The following TBL1X variants were observed in gnomAD, a reference collection of about 807,000 sequenced individuals.
TBL1X encodes F-box-like/WD repeat-containing protein TBL1X.
TBL1X carries 10 observed loss-of-function variants against 50.7 expected under a neutral mutation model. That is an observed-to-expected ratio of 0.20 (90% CI 0.12 to 0.33). TBL1X has a LOEUF of 0.33. Among genes scored for constraint, TBL1X ranks in the 10% least tolerant of loss-of-function variants. The probability of loss-of-function intolerance (pLI) is 1.00; values close to 1 mark genes in which losing one functional copy is unlikely to be tolerated. For missense variants in TBL1X, 340 were observed against 504.4 expected (o/e 0.67, Z 3.12); for synonymous variants, 190 against 214.7 (o/e 0.88, Z 1.01).
chrX:9,668,087 TA>T (rs1367372980), intron 5 of TBL1X, among the ~76,000 whole-genome samples: 1 of 112,256 alleles, frequency 8.9e-6, no homozygotes, highest in Non-Finnish European at 1.9e-5. Context: ...ATGTTATTAG[TA>T]TGTGTTACAA....
At chrX:9,610,698 A>G (rs2082609014) in intron 2 of TBL1X, among the ~76,000 whole-genome samples, 1 of 112,148 alleles carries the variant, frequency 8.9e-6, no homozygotes, top group Admixed American at 9.5e-5. Context: ...TTTCTTTTGT[A>G]GTCTTCATTT....
chrX:9,710,257 C>T (rs1163311568), intron 15 of TBL1X, among the ~76,000 whole-genome samples: 5 of 107,643 alleles, frequency 4.6e-5, no homozygotes, highest in Non-Finnish European at 9.6e-5. Flanking sequence ...AAAAAAACCA[C>T]CCAACATGAC....
At chrX:9,591,988 T>C (rs2082502763) in intron 2 of TBL1X, among the ~76,000 whole-genome samples, 1 of 112,457 alleles carries the variant, frequency 8.9e-6, no homozygotes, top group African/African-American at 3.2e-5. Context: ...CTAAACTCTT[T>C]TGAGTTGGAA....
At chrX:9,493,031 C>G (rs1408826175) in intron 1 of TBL1X, among the ~76,000 whole-genome samples, 1 of 111,045 alleles carries the variant, frequency 9.0e-6, no homozygotes, top group Non-Finnish European at 1.9e-5. Context: ...TGCTATGTGA[C>G]TGGGAGTGTG....
At chrX:9,688,687 G>A (rs1188654702) in intron 7 of TBL1X, among the ~76,000 whole-genome samples, 1 of 112,856 alleles carries the variant, frequency 8.9e-6, no homozygotes. Flanking sequence ...CCAGAGACTG[G>A]GCATAGGCTT....
At position 9,717,305 on chromosome X, in the gene TBL1X, C is replaced by G. The variant is rs2083285256; in HGVS notation, c.*1059C>G. 1 of 112,064 alleles carries G rather than the reference C, an allele frequency of 8.9e-6. No homozygotes were observed. Among genetic ancestry groups the G allele is most frequent in the East Asian group, 2.8e-4 (1 of 3,579 alleles). 9.2% of individuals were successfully genotyped at this position (112,064 alleles called of 1,213,427 possible). A position where few individuals can be genotyped will look rare whatever the true frequency, so the allele number is the denominator to read the frequency against. On this transcript the variant is annotated 3_prime_UTR_variant, in exon 18 of 18. Coordinates refer to ENST00000645353, the MANE Select transcript of TBL1X (RefSeq NM_005647.4). ...AATTTTAAAATCTTAAAATGGCCAT[C>G]AGACATAGAGAGCTTTGTGTGATTC...
intron 2 of TBL1X, among the ~76,000 whole-genome samples, chrX:9,609,336 GGTGTGTGTGTGTGTGTGT>G (rs775969638): frequency 1.1e-5 from 1 of 94,774 alleles, no homozygotes; most frequent in Non-Finnish European, 2.1e-5. Flanking sequence ...TTTTCTTCCA[GGTGTGTGTGTGTGTGTGT>G]GTGTGTGTGT....
At chrX:9,504,490 TAAA>T (rs753364665) in intron 2 of TBL1X, among the ~76,000 whole-genome samples, 6 of 111,957 alleles carry the variant, frequency 5.4e-5, no homozygotes, top group African/African-American at 9.7e-5. Flanking sequence ...AGATGGGTTA[TAAA>T]AAACTACAAT....
chrX:9,651,125 T>C (rs766216073), intron 3 of TBL1X, among the ~76,000 whole-genome samples: 1 of 103,417 alleles, frequency 9.7e-6, no homozygotes, highest in Non-Finnish European at 2.0e-5. Flanking sequence ...CTTCCCAGGC[T>C]CAGATGATTC....
At chrX:9,659,886 T>C (rs757253112) in intron 5 of TBL1X, among the ~76,000 whole-genome samples, 1 of 112,568 alleles carries the variant, frequency 8.9e-6, no homozygotes, top group Non-Finnish European at 1.9e-5. Flanking sequence ...CAGCTAGCCT[T>C]CTGGACTAAT....
chrX:9,478,570 C>G, intron 1 of TBL1X, among the ~76,000 whole-genome samples: 1 of 111,593 alleles, frequency 9.0e-6, no homozygotes, highest in African/African-American at 3.3e-5. Context: ...GGCCTTGTCC[C>G]AAACTCAAAA....
At chrX:9,595,138 T>C (rs1327606860) in intron 2 of TBL1X, among the ~76,000 whole-genome samples, 2 of 111,870 alleles carry the variant, frequency 1.8e-5, no homozygotes, top group African/African-American at 6.5e-5. Context: ...GGACCCCGGC[T>C]CCTCCCCAGG....
chrX:9,481,965 A>G (rs1466215728), intron 1 of TBL1X, among the ~76,000 whole-genome samples: 1 of 112,571 alleles, frequency 8.9e-6, no homozygotes, highest in African/African-American at 3.2e-5. Context: ...CACATAAATT[A>G]GTCCTAATGT....
At chrX:9,492,465 G>T (rs1322028089) in intron 1 of TBL1X, among the ~76,000 whole-genome samples, 8 of 112,004 alleles carry the variant, frequency 7.1e-5, no homozygotes, top group Non-Finnish European at 1.3e-4. Flanking sequence ...TTTTCCAAGT[G>T]CAGGACTAAC....
intron 2 of TBL1X, among the ~76,000 whole-genome samples, chrX:9,609,842 A>G (rs2082604837): frequency 1.8e-5 from 2 of 112,244 alleles, no homozygotes; most frequent in Non-Finnish European, 3.8e-5. Context: ...GGAATATTTG[A>G]TCACATTTGT....
chrX:9,528,609 A>G (rs1195307796), intron 2 of TBL1X, among the ~76,000 whole-genome samples: 2 of 103,519 alleles, frequency 1.9e-5, no homozygotes, highest in Non-Finnish European at 3.9e-5. Flanking sequence ...GCAGCTGCAC[A>G]TGGGTTTCCT....
intron 2 of TBL1X, among the ~76,000 whole-genome samples, chrX:9,565,271 CAAAAAA>C (rs757679440): frequency 1.1e-4 from 4 of 37,399 alleles, no homozygotes; most frequent in Non-Finnish European, 1.8e-4. Context: ...GACTCCGTCT[CAAAAAA>C]AAAAAAAAAA....
At position 9,491,338 on chromosome X, in the gene TBL1X, A is replaced by ATATATT. The variant is rs1328551249; in HGVS notation, c.-200-10441_-200-10440insATATTT. On this transcript the variant is annotated intron_variant, in intron 1 of 17. Transcript: ENST00000645353. ...TATATATATATATATATATATATAT[A>ATATATT]TTTTTTTTTTTTTTTTCTTTGAGAC... Among the ~76,000 whole-genome samples, 263 of 31,196 alleles carry ATATATT rather than the reference A, an allele frequency of 8.4e-3. 1 individual carries two copies. The highest frequency in any genetic ancestry group is 9.7e-3 in the Admixed American group (16 of 1,655). 27.1% of individuals were successfully genotyped at this position (31,196 alleles called of 115,157 possible).
intron 2 of TBL1X, among the ~76,000 whole-genome samples, chrX:9,627,623 ATTGT>A (rs754309235): frequency 7.1e-5 from 8 of 112,722 alleles, no homozygotes; most frequent in Non-Finnish European, 1.1e-4. Flanking sequence ...TGCATTGGAA[ATTGT>A]TTGTAAGACT....
Sources: allele counts gnomAD v4.1 joint callset (sites outside exome capture counted in the v4.1 genomes callset), GRCh38; gene constraint gnomAD v4.1.1; transcripts MANE v1.5; gene names NCBI Gene and HGNC (gene_info 2026-07-23, HGNC 2026-07-21).